The following CEP55 variants were observed in gnomAD, a reference collection of about 807,000 sequenced individuals.
CEP55 encodes centrosomal protein 55, also known as centrosomal protein of 55 kDa.
In CEP55, 57 loss-of-function variants were observed where a neutral mutation model predicts 63.2. That is an observed-to-expected ratio of 0.90 (90% CI 0.73 to 1.13). The LOEUF (loss-of-function observed/expected upper bound fraction) is 1.13, where lower values mean the gene tolerates loss of function less well. Ranked by LOEUF, CEP55 falls within the 50% of genes most tolerant of loss-of-function variation. CEP55 has a pLI of 0.00. For missense variants in CEP55, 456 were observed against 518.9 expected (o/e 0.88, Z 1.18); for synonymous variants, 178 against 191.6 (o/e 0.93, Z 0.59).
At chr10:93,498,843 A>G (rs1235959384) in intron 1 of CEP55, among the ~76,000 whole-genome samples, 1 of 151,112 alleles carries the variant, frequency 6.6e-6, no homozygotes, top group African/African-American at 2.4e-5. Flanking sequence ...TACACCCAGC[A>G]TGTATTAGGA....
chr10:93,525,420 C>T (rs1405655726), intron 8 of CEP55, among the ~76,000 whole-genome samples: 2 of 152,188 alleles, frequency 1.3e-5, no homozygotes, highest in African/African-American at 4.8e-5. Context: ...CAAACCACTG[C>T]TCAACAAAAT....
chr10:93,527,862 C>T, intron 8 of CEP55, 88 bp from the exon 9 acceptor site: 1 of 1,117,946 alleles, frequency 8.9e-7, no homozygotes, highest in Non-Finnish European at 1.3e-6. Flanking sequence ...GCCTGGGTGA[C>T]AGAGTGAGAC....
intron 3 of CEP55, among the ~76,000 whole-genome samples, chr10:93,504,601 G>A (rs894742903): frequency 2.0e-4 from 31 of 152,102 alleles, no homozygotes; most frequent in African/African-American, 7.5e-4. Flanking sequence ...ACATTTATGT[G>A]TATTTTCATA....
intron 5 of CEP55, among the ~76,000 whole-genome samples, chr10:93,516,006 G>C (rs1438756957): frequency 6.6e-6 from 1 of 152,152 alleles, no homozygotes; most frequent in Non-Finnish European, 1.5e-5. Context: ...CATTCACGAT[G>C]CTGTCTTTTT....
intron 8 of CEP55, 90 bp from the exon 9 acceptor site, chr10:93,527,860 G>A (rs1429594242): frequency 9.1e-7 from 1 of 1,097,482 alleles, no homozygotes; most frequent in African/African-American, 1.6e-5. Context: ...TGGCCTGGGT[G>A]ACAGAGTGAG....
At chr10:93,522,890 A>C (rs1255075229) in intron 8 of CEP55, among the ~76,000 whole-genome samples, 1 of 152,218 alleles carries the variant, frequency 6.6e-6, no homozygotes, top group Admixed American at 6.5e-5. Context: ...GCAAATGCTG[A>C]GAGATTTTGT....
intron 4 of CEP55, among the ~76,000 whole-genome samples, chr10:93,513,434 A>G (rs921493047): frequency 6.6e-6 from 1 of 152,162 alleles, no homozygotes; most frequent in African/African-American, 2.4e-5. Flanking sequence ...GACTCAATCA[A>G]TGTCTTTAAA....
intron 4 of CEP55, among the ~76,000 whole-genome samples, chr10:93,508,913 A>G (rs543995578): frequency 6.6e-6 from 1 of 152,264 alleles, no homozygotes; most frequent in Non-Finnish European, 1.5e-5. Flanking sequence ...CTCTTGTTTA[A>G]TGTTCAACCT....
At position 93,507,517 on chromosome 10, in the gene CEP55, C is replaced by T. The variant is rs188225334; in HGVS notation, c.528+461C>T. On this transcript the variant is annotated intron_variant, in intron 4 of 8. Transcript: ENST00000371485. ...GATTACAGCTGTGAGCTACCATGCC[C>T]GGCATCATGGTCTCTGTAGGGTAGA... 5.3e-4 allele frequency among the ~76,000 whole-genome samples: 80 copies of T among 152,110 alleles called. 1 individual carries two copies. The East Asian group carries it at 0.014, about 27-fold the overall frequency.
In CEP55 at chr10:93,496,804, C is replaced by G. The variant is rs1483163245; in HGVS notation, c.-132C>G. On this transcript the variant is annotated 5_prime_UTR_variant, in exon 1 of 9. Coordinates refer to ENST00000371485, the MANE Select transcript of CEP55 (RefSeq NM_018131.5). ...CAGGTCAGTGGGCAGATCGCGTCCG[C>G]GGGATTCAATCTCTGCCCGCTCTGA... is the stretch of plus-strand genomic sequence containing the variant. 1.3e-5 allele frequency: 2 copies of G among 152,264 alleles called. No individual in the cohort carries two copies. The highest frequency in any genetic ancestry group is 4.8e-5 in the African/African-American group (2 of 41,468). The allele number at this position is 152,264 out of a possible 1,614,324, so 9.4% of individuals were successfully genotyped here.
chr10:93,522,769 T>TG (rs1459745053), intron 8 of CEP55, among the ~76,000 whole-genome samples: 2 of 151,844 alleles, frequency 1.3e-5, no homozygotes, highest in African/African-American at 2.4e-5. Context: ...CAGAAGAGAG[T>TG]GGGGGGTCAA....
Position 93,528,069 on chromosome 10 carries a change from G to A in CEP55, c.1311G>A (p.Leu437=). The A allele has an allele frequency of 6.2e-7, 1 of 1,613,998 alleles. No homozygotes were observed. Among genetic ancestry groups the A allele is most frequent in the Non-Finnish European group, 8.5e-7 (1 of 1,179,964 alleles). The change falls in exon 9 of 9, where the codon CTG becomes CTA. Residue 437 remains leucine (L), a synonymous_variant. Coordinates refer to ENST00000371485, the MANE Select transcript of CEP55 (RefSeq NM_018131.5). ...CCACTGCTGCACTCAATGAAAGCCT[G>A]GTGGAATGTCCCAAGTGCAATATAC... ...KSPTAALNES[L]VECPKCNIQY...
At chr10:93,521,391 C>T (rs946182612) in intron 8 of CEP55, among the ~76,000 whole-genome samples, 1 of 151,860 alleles carries the variant, frequency 6.6e-6, no homozygotes, top group African/African-American at 2.4e-5. Context: ...AGCAGTGAGG[C>T]TGGGGGAGGG....
rs190350954 is a variant in CEP55 at position 93,528,012 on chromosome 10, C to G, written c.1254C>G (p.Asn418Lys). Residue 418 changes from asparagine (N) to lysine (K), a missense_variant, in exon 9 of 9, where the codon AAC becomes AAG. Asn to Lys is a moderately conservative substitution (Grantham distance 94, BLOSUM62 0). Transcript: ENST00000371485. Reference protein sequence around the residue: ...PLVTFQGETENREKVAASPKS... With the variant: ...PLVTFQGETEKREKVAASPKS... Reference sequence around the variant, plus strand: ...TCACTTTCCAAGGAGAGACTGAAAACAGAGAAAAAGTTGCCGCCTCACCAA... The same window carrying G: ...TCACTTTCCAAGGAGAGACTGAAAAGAGAGAAAAAGTTGCCGCCTCACCAA... 11 of 1,613,944 alleles carry G rather than the reference C, an allele frequency of 6.8e-6. No homozygotes were observed. The East Asian group carries it at 2.5e-4, about 36-fold the overall frequency.
chr10:93,516,221 C>T (rs1229641347), intron 5 of CEP55, among the ~76,000 whole-genome samples: 10 of 152,130 alleles, frequency 6.6e-5, no homozygotes, highest in Admixed American at 5.9e-4. Context: ...GGGACCAAAG[C>T]CTTGAATTTT....
At chr10:93,512,844 A>G (rs1365150536) in intron 4 of CEP55, among the ~76,000 whole-genome samples, 1 of 152,206 alleles carries the variant, frequency 6.6e-6, no homozygotes, top group East Asian at 1.9e-4. Flanking sequence ...CTGTTTTAAG[A>G]TAGGCCAAGA....
chr10:93,499,306 C>T (rs1026810701), intron 1 of CEP55, among the ~76,000 whole-genome samples: 2 of 152,176 alleles, frequency 1.3e-5, no homozygotes, highest in African/African-American at 2.4e-5. Flanking sequence ...TAAGTAATGA[C>T]ATTTCGTGCC....
intron 4 of CEP55, among the ~76,000 whole-genome samples, chr10:93,508,808 G>A (rs908956691): frequency 5.9e-5 from 9 of 152,112 alleles, no homozygotes; most frequent in African/African-American, 2.2e-4. Context: ...TGACCACTTT[G>A]TCTAAAATTA....
intron 8 of CEP55, among the ~76,000 whole-genome samples, chr10:93,521,199 A>C (rs922280824): frequency 1.8e-4 from 28 of 152,146 alleles, no homozygotes; most frequent in Non-Finnish European, 7.4e-5. Context: ...TTTCTAGCCA[A>C]GGAAAGGGGT....
Sources: allele counts gnomAD v4.1 joint callset (sites outside exome capture counted in the v4.1 genomes callset), GRCh38; gene constraint gnomAD v4.1.1; transcripts MANE v1.5; gene names NCBI Gene and HGNC (gene_info 2026-07-23, HGNC 2026-07-21).